The following TTC39A variants were observed in gnomAD, a reference collection of about 807,000 sequenced individuals.
The protein encoded by TTC39A is tetratricopeptide repeat protein 39A.
Under a neutral mutation model 82.3 loss-of-function variants are expected in TTC39A, and 46 were observed. That is an observed-to-expected ratio of 0.56 (90% CI 0.44 to 0.71). The LOEUF is 0.71. Among genes scored for constraint, TTC39A ranks in the 30% least tolerant of loss-of-function variants. TTC39A has a pLI of 0.00. For missense variants in TTC39A, 543 were observed against 712.9 expected, an observed-to-expected ratio of 0.76 and a Z score of 2.71; for synonymous variants, 254 against 275.2, an observed-to-expected ratio of 0.92 and a Z score of 0.76.
chr1:51,334,199 A>T (rs1392286855), upstream of TTC39A, among the ~76,000 whole-genome samples: 2 of 150,442 alleles, frequency 1.3e-5, no homozygotes, highest in African/African-American at 2.4e-5. Context: ...TCTCTACAAA[A>T]AAAAAAAAAA....
chr1:51,306,117 G>T, intron 6 of TTC39A, 41 bp from the exon 7 acceptor site: 1 of 1,571,846 alleles, frequency 6.4e-7, no homozygotes, highest in East Asian at 2.2e-5. Context: ...CACTGCTGGG[G>T]GTGGGGGGTA....
chr1:51,312,171 T>G lies in TTC39A; in HGVS notation c.303A>C (p.Thr101=). Residue 101 remains threonine, a synonymous_variant, in exon 4 of 18, where the codon ACA becomes ACC. Transcript: ENST00000680483. ...GGTTCACCAGGCTGCTGAAGGAATC[T>G]GTTACAGAAGACTTCCTCCGGTGCC... is the stretch of plus-strand genomic sequence containing the variant. ...CQRHRRKSSV[T]DSFSSLVNRP... 1 of 1,610,672 alleles carries G rather than the reference T, an allele frequency of 6.2e-7. No individual in the cohort carries two copies.
intron 6 of TTC39A, among the ~76,000 whole-genome samples, chr1:51,308,311 C>A (rs1472090022): frequency 1.3e-5 from 2 of 151,878 alleles, no homozygotes; most frequent in African/African-American, 4.8e-5. Flanking sequence ...ACGATATCAG[C>A]TCACTGCAAC....
intron 14 of TTC39A, among the ~76,000 whole-genome samples, chr1:51,293,025 C>T (rs1270496206): frequency 6.6e-6 from 1 of 151,746 alleles, no homozygotes; most frequent in African/African-American, 2.4e-5. Flanking sequence ...GCCCTTCCTA[C>T]AATATCCTCC....
At chr1:51,337,062 C>T (rs907022775) in intron 1 of TTC39A, among the ~76,000 whole-genome samples, 2 of 152,156 alleles carry the variant, frequency 1.3e-5, no homozygotes, top group Admixed American at 1.3e-4. Flanking sequence ...ATTATCCACA[C>T]AGCACCAGGC....
chr1:51,322,892 C>G (rs566209169), intron 1 of TTC39A, among the ~76,000 whole-genome samples: 2 of 152,206 alleles, frequency 1.3e-5, no homozygotes, highest in South Asian at 4.1e-4. Context: ...GCTCTAAAGT[C>G]TCCCACTCTG....
rs950765554 is a variant in TTC39A at position 51,327,256 on chromosome 1, A to G, written c.41+3181T>C. Among the ~76,000 whole-genome samples, 11 of 152,324 alleles carry G rather than the reference A, an allele frequency of 7.2e-5. No homozygotes were observed. In the South Asian group the frequency reaches 8.3e-4, roughly 11 times the overall value. ...GGCGGAGCGGTCGCTCAGGAAGCCA[A>G]CTGCAGTCAGAGCTGGATTTTAATC... On this transcript the variant is annotated intron_variant, in intron 1 of 17. Transcript: ENST00000680483.
chr1:51,305,602 T>C (rs1644838878), intron 7 of TTC39A: 1 of 322,044 alleles, frequency 3.1e-6, no homozygotes. Flanking sequence ...AGTCATCAGC[T>C]GGTTTCAGGA....
At chr1:51,311,356 G>A in intron 4 of TTC39A, 35 bp from the exon 5 acceptor site, 13 of 1,548,196 alleles carry the variant, frequency 8.4e-6, no homozygotes, top group Non-Finnish European at 1.1e-5. Flanking sequence ...GTGGCCTCCT[G>A]GGACTCTAGT....
intron 2 of TTC39A, among the ~76,000 whole-genome samples, chr1:51,318,063 T>G (rs901460534): frequency 6.6e-5 from 10 of 152,178 alleles, no homozygotes; most frequent in African/African-American, 2.4e-4. Flanking sequence ...TATTTTCTCC[T>G]GTGTTTCGAC....
chr1:51,311,159 G>GGGTTGCT (rs1645068524), intron 5 of TTC39A, 95 bp downstream of exon 5: 1 of 1,195,142 alleles, frequency 8.4e-7, no homozygotes, highest in Non-Finnish European at 1.2e-6. Flanking sequence ...TGCTATGGGG[G>GGGTTGCT]ATGGGTCACA....
intron 1 of TTC39A, among the ~76,000 whole-genome samples, chr1:51,323,531 C>T (rs1357920702): frequency 6.6e-6 from 1 of 152,216 alleles, no homozygotes; most frequent in Non-Finnish European, 1.5e-5. Flanking sequence ...CTTCTCTCTT[C>T]TCTGTTAGAC....
Position 51,312,829 on chromosome 1 carries a change from T to G in TTC39A, c.261A>C (p.Ala87=). ...ILLAGNMMKE[A]QMLCQRHRRK... ...CCCCCAACCTCTGACACAGCATCTGTGCCTCCTTCATCATGTTGCCGGCAA... is the reference window on the plus strand; with the variant it reads ...CCCCCAACCTCTGACACAGCATCTGGGCCTCCTTCATCATGTTGCCGGCAA... The change falls in exon 3 of 18, where the codon GCA becomes GCC. Residue 87 remains alanine, a synonymous_variant. Transcript: ENST00000680483. 2 of 1,613,822 alleles carry G rather than the reference T, an allele frequency of 1.2e-6. No individual in the cohort carries two copies. The highest frequency in any genetic ancestry group is 1.7e-6 in the Non-Finnish European group (2 of 1,179,748).
intron 2 of TTC39A, among the ~76,000 whole-genome samples, chr1:51,315,676 T>G (rs905166436): frequency 6.6e-6 from 1 of 152,230 alleles, no homozygotes; most frequent in Non-Finnish European, 1.5e-5. Context: ...GCCTTCTTCC[T>G]TCTGGGACCT....
Position 51,317,784 on chromosome 1 carries a change from G to C in TTC39A, c.146+3937C>G, listed in dbSNP as rs545182585. ...CAAACAAACAAAAAGAAAAAAGAAG[G>C]AAAGGATCCTTTTCTGGAATAAGGC... On this transcript the variant is annotated intron_variant, in intron 2 of 17. Transcript: ENST00000680483. Among the ~76,000 whole-genome samples, 16 of 152,204 alleles carry C rather than the reference G, an allele frequency of 1.1e-4. 1 individual carries two copies. In the South Asian group the frequency reaches 3.3e-3, roughly 32 times the overall value.
In TTC39A at chr1:51,296,273, C is replaced by G. The variant is rs1209105741; in HGVS notation, c.1054-103G>C. On this transcript the variant is annotated intron_variant, in intron 12 of 17. Coordinates refer to ENST00000680483, the MANE Select transcript of TTC39A (RefSeq NM_001297663.2). ...TCACGTGGCCCAGCACAGGAGCTCC[C>G]GTTGTCTCCAAGCCCCAGGGGAGAA... 1.5e-5 allele frequency: 16 copies of G among 1,100,416 alleles called. No homozygotes were observed. The East Asian group carries it at 2.1e-4, about 14-fold the overall frequency. 68.2% of individuals were successfully genotyped at this position (1,100,416 alleles called of 1,614,324 possible). A position where few individuals can be genotyped will look rare whatever the true frequency, so the allele number is the denominator to read the frequency against.
rs75651739 is a variant in TTC39A at position 51,316,955 on chromosome 1, T to C, written c.147-4012A>G. On this transcript the variant is annotated intron_variant, in intron 2 of 17. Transcript: ENST00000680483. ...GATCCAAATCCCACTCTGCCATTTA[T>C]TAACCACGATCATGTAATTCAAGAA... Among the ~76,000 whole-genome samples the C allele has an allele frequency of 5.5e-3, 836 of 152,322 alleles. 6 individuals carry two copies. The highest frequency in any genetic ancestry group is 0.019 in the African/African-American group (801 of 41,574).
At chr1:51,327,195 C>A (rs1331024597) in intron 1 of TTC39A, among the ~76,000 whole-genome samples, 1 of 152,174 alleles carries the variant, frequency 6.6e-6, no homozygotes, top group Non-Finnish European at 1.5e-5. Flanking sequence ...TACCTCCATC[C>A]CAGTCAGGAT....
rs1344771304 is a variant in TTC39A at position 51,294,440 on chromosome 1, G to A, written c.1217C>T (p.Ser406Phe). The A allele has an allele frequency of 1.9e-6, 3 of 1,614,022 alleles. No homozygotes were observed. Among genetic ancestry groups the A allele is most frequent in the Admixed American group, 1.7e-5 (1 of 60,032 alleles). Residue 406 changes from serine (S) to phenylalanine (F), a missense_variant, in exon 14 of 18, where the codon TCC becomes TTC. By Grantham distance (155) the Ser-to-Phe change is radical. Coordinates refer to ENST00000680483, the MANE Select transcript of TTC39A (RefSeq NM_001297663.2). The surrounding 1 kb of genome is among the most constrained non-coding windows in gnomAD (Gnocchi z 4.3). ...LPTEKFAIRK[S>F]RRYFSSNPIS... is the part of the protein sequence containing the mutation. ...AGGGTTGGAGGAGAAGTAGCGCCGG[G>A]ACTTCCGGATGGCAAACTTCTCTGT...
Sources: allele counts gnomAD v4.1 joint callset (sites outside exome capture counted in the v4.1 genomes callset), GRCh38; gene constraint gnomAD v4.1.1; non-coding constraint Gnocchi (gnomAD v3.1); transcripts MANE v1.5; gene names NCBI Gene and HGNC (gene_info 2026-07-23, HGNC 2026-07-21).